HCN1: variants seen among roughly 807,000 people sequenced by gnomAD.
HCN1 encodes the protein hyperpolarization activated cyclic nucleotide gated potassium channel 1.
Under a neutral mutation model 78.9 loss-of-function variants are expected in HCN1, and 13 were observed. The ratio of observed to expected loss-of-function variants is 0.16; its 90% CI spans 0.11 to 0.26. The LOEUF is 0.26. HCN1 is among the 10% of genes least tolerant of loss of function. The pLI, the probability that HCN1 is intolerant of heterozygous loss-of-function variation, is 1.00. For synonymous variants in HCN1, 552 were observed against 455.5 expected (o/e 1.21, Z -2.70); for missense variants, 810 against 1,154.3 (o/e 0.70, Z 4.32).
chr5:45,593,326 T>TCCCC (rs1422667698), intron 2 of HCN1, among the ~76,000 whole-genome samples: 1 of 135,122 alleles, frequency 7.4e-6, no homozygotes, highest in African/African-American at 3.0e-5. Context: ...TCTCTCCCTC[T>TCCCC]CTCTCTCTCT....
At chr5:45,330,342 T>C (rs1746319517) in intron 5 of HCN1, among the ~76,000 whole-genome samples, 1 of 151,166 alleles carries the variant, frequency 6.6e-6, no homozygotes, top group African/African-American at 2.4e-5. Flanking sequence ...ATTGTGGATA[T>C]ATCAACAGTT....
intron 5 of HCN1, among the ~76,000 whole-genome samples, chr5:45,304,451 G>A (rs372039094): frequency 1.6e-4 from 24 of 152,202 alleles, no homozygotes; most frequent in African/African-American, 5.3e-4. Context: ...GCCAAGGCGG[G>A]TGGATCACGA....
At chr5:45,639,149 G>C (rs1190460967) in intron 2 of HCN1, among the ~76,000 whole-genome samples, 1 of 151,800 alleles carries the variant, frequency 6.6e-6, no homozygotes, top group Non-Finnish European at 1.5e-5. Context: ...AACTAGCCAA[G>C]CAAATAGATG....
chr5:45,573,472 C>T (rs555649247), intron 2 of HCN1, among the ~76,000 whole-genome samples: 77 of 121,626 alleles, frequency 6.3e-4, no homozygotes, highest in Middle Eastern at 7.8e-3. Context: ...ATAACCTCCC[C>T]CCACCCCGAA....
intron 5 of HCN1, among the ~76,000 whole-genome samples, chr5:45,319,770 T>C (rs1746083803): frequency 6.6e-6 from 1 of 151,826 alleles, no homozygotes; most frequent in Non-Finnish European, 1.5e-5. Flanking sequence ...GAAGGATTTA[T>C]GTTAATCACA....
chr5:45,483,203 T>A (rs1025679494), intron 2 of HCN1, among the ~76,000 whole-genome samples: 3 of 152,194 alleles, frequency 2.0e-5, no homozygotes, highest in African/African-American at 7.2e-5. Context: ...CCACAGTGGC[T>A]GGACTAATTT....
At chr5:45,494,643 CTTTTGGTG>C in intron 2 of HCN1, among the ~76,000 whole-genome samples, 1 of 151,982 alleles carries the variant, frequency 6.6e-6, no homozygotes, top group Non-Finnish European at 1.5e-5. Context: ...GTTGCCATTG[CTTTTGGTG>C]TTTTAGACAT....
chr5:45,671,258 A>C (rs911836025), intron 1 of HCN1, among the ~76,000 whole-genome samples: 1 of 151,502 alleles, frequency 6.6e-6, no homozygotes, highest in African/African-American at 2.4e-5. Context: ...GGTCCAGCTC[A>C]AATGTCATAT....
intron 3 of HCN1, among the ~76,000 whole-genome samples, chr5:45,456,900 T>C (rs1342827735): frequency 6.6e-6 from 1 of 152,086 alleles, no homozygotes; most frequent in Non-Finnish European, 1.5e-5. Context: ...GCATCATTTA[T>C]TTGTTATGCT....
At position 45,255,982 on chromosome 5, in the gene HCN1, G is replaced by T. The variant is rs1268588796; in HGVS notation, c.*5939C>A. ...AAACATAAAGTGGTCCTCTTTTGAA[G>T]AATTATTATATTTACTAATTTATTC... On this transcript the variant is annotated 3_prime_UTR_variant, in exon 8 of 8. Coordinates refer to ENST00000303230, the MANE Select transcript of HCN1 (RefSeq NM_021072.4). 1 of 151,978 alleles carries T rather than the reference G, an allele frequency of 6.6e-6. No individual in the cohort carries two copies. The highest frequency in any genetic ancestry group is 1.5e-5 in the Non-Finnish European group (1 of 68,004). The allele number at this position is 151,978 out of a possible 1,614,324, so 9.4% of individuals were successfully genotyped here.
chr5:45,480,906 T>C (rs931885205), intron 2 of HCN1, among the ~76,000 whole-genome samples: 1 of 152,188 alleles, frequency 6.6e-6, no homozygotes, highest in African/African-American at 2.4e-5. Context: ...CTAGCATCTT[T>C]CAAACACTAT....
chr5:45,445,779 G>C (rs543937063), intron 3 of HCN1, among the ~76,000 whole-genome samples: 1 of 152,298 alleles, frequency 6.6e-6, no homozygotes, highest in African/African-American at 2.4e-5. Flanking sequence ...GGCAAACAGG[G>C]TCTGGAGTGG....
intron 4 of HCN1, among the ~76,000 whole-genome samples, chr5:45,373,086 AAATAT>A (rs1407546052): frequency 7.9e-4 from 107 of 134,710 alleles, no homozygotes; most frequent in African/African-American, 2.6e-3. Flanking sequence ...TAATATATAA[AAATAT>A]AATATATATA....
At chr5:45,312,709 A>T (rs1745879462) in intron 5 of HCN1, among the ~76,000 whole-genome samples, 1 of 152,244 alleles carries the variant, frequency 6.6e-6, no homozygotes, top group Non-Finnish European at 1.5e-5. Context: ...ACGGCACACC[A>T]GGAGATTATA....
At chr5:45,478,162 T>A (rs1302591234) in intron 2 of HCN1, among the ~76,000 whole-genome samples, 3 of 151,792 alleles carry the variant, frequency 2.0e-5, no homozygotes, top group South Asian at 2.1e-4. Context: ...AAAAAAAAAA[T>A]TCATATACTT....
At chr5:45,312,331 TTCTTTGGTTGACACGATG>T (rs1745866253) in intron 5 of HCN1, among the ~76,000 whole-genome samples, 1 of 152,206 alleles carries the variant, frequency 6.6e-6, no homozygotes, top group African/African-American at 2.4e-5. Flanking sequence ...TTGTTATTTG[TTCTTTGGTTGACACGATG>T]TCTATTTATT....
chr5:45,596,282 C>T (rs941997483), intron 2 of HCN1, among the ~76,000 whole-genome samples: 2 of 151,986 alleles, frequency 1.3e-5, no homozygotes, highest in African/African-American at 2.4e-5. Context: ...ATGGTATTTG[C>T]CTCATTGAGA....
Position 45,258,848 on chromosome 5 carries a change from C to T in HCN1, c.*3073G>A, listed in dbSNP as rs1236965408. The T allele has an allele frequency of 6.6e-6, 1 of 151,710 alleles. No individual in the cohort carries two copies. The highest frequency in any genetic ancestry group is 1.9e-4 in the East Asian group (1 of 5,180). The allele number at this position is 151,710 out of a possible 1,614,324, so 9.4% of individuals were successfully genotyped here. On this transcript the variant is annotated 3_prime_UTR_variant, in exon 8 of 8. Transcript: ENST00000303230. The stretch of plus-strand genomic sequence containing the variant: ...AACTATTATAACAAAATAGGTATGT[C>T]ATAGAACTATTATAACAAAATAGGT...
chr5:45,523,493 T>C (rs1742658593), intron 2 of HCN1, among the ~76,000 whole-genome samples: 1 of 152,180 alleles, frequency 6.6e-6, no homozygotes, highest in African/African-American at 2.4e-5. Context: ...AAAGTGTTCC[T>C]ATTTCTCCAC....
Sources: gnomAD v4.1 joint callset for allele counts (sites outside exome capture counted in the v4.1 genomes callset) on GRCh38, gnomAD v4.1.1 for gene constraint, MANE v1.5 for transcripts, NCBI Gene and HGNC (gene_info 2026-07-23, HGNC 2026-07-21) for gene names.